STRIP2: variants seen among roughly 807,000 people sequenced by gnomAD.
STRIP2 encodes striatin interacting protein 2.
Under a neutral mutation model 107.1 loss-of-function variants are expected in STRIP2, and 84 were observed. The observed-to-expected ratio is 0.78, with a 90% CI of 0.66 to 0.94. The LOEUF (loss-of-function observed/expected upper bound fraction) is 0.94, where lower values mean the gene tolerates loss of function less well. STRIP2 is among the 40% of genes least tolerant of loss of function. The pLI is 0.00. For missense variants in STRIP2, 888 were observed against 1,034.2 expected (o/e 0.86, Z 1.94); for synonymous variants, 394 against 400.4 (o/e 0.98, Z 0.19).
At chr7:129,467,591 G>C in intron 17 of STRIP2, 141 bp downstream of exon 17, 1 of 554,878 alleles carries the variant, frequency 1.8e-6, no homozygotes, top group Non-Finnish European at 3.1e-6. Context: ...TAATTTCCTT[G>C]AAGTGTTAGC....
intron 18 of STRIP2, among the ~76,000 whole-genome samples, chr7:129,476,930 C>T (rs1225513500): frequency 1.3e-5 from 2 of 151,518 alleles, no homozygotes; most frequent in East Asian, 2.0e-4. Context: ...CCCGGCACCT[C>T]GGGAGACCGA....
intron 18 of STRIP2, among the ~76,000 whole-genome samples, chr7:129,475,671 G>C (rs1798904225): frequency 6.7e-6 from 1 of 149,434 alleles, no homozygotes; most frequent in Non-Finnish European, 1.5e-5. Context: ...ATAAACAAGT[G>C]AACAAAGGTC....
chr7:129,453,893 G>T (rs187005877), intron 5 of STRIP2, among the ~76,000 whole-genome samples: 1 of 152,172 alleles, frequency 6.6e-6, no homozygotes, highest in Non-Finnish European at 1.5e-5. Context: ...GTCCAGCACA[G>T]TTCTAAGCAT....
rs1234013933 is a variant in STRIP2, at chr7:129,458,973, A to G, written c.1340+196A>G. Among the ~76,000 whole-genome samples the G allele has an allele frequency of 6.6e-6, 1 of 152,170 alleles. No homozygotes were observed. The highest frequency in any genetic ancestry group is 1.5e-5 in the Non-Finnish European group (1 of 68,032). On this transcript the variant is annotated intron_variant, in intron 11 of 20. Transcript: ENST00000249344. This position sits in a 1 kb window ranked among gnomAD's most constrained non-coding sequence, Gnocchi z 4.6. ...CCTTGAGTTTCTTCCACTTTTCCTC[A>G]AAGAACTTTTGTGTTTTTAGCCAAC...
rs775620376 is a variant in STRIP2, at chr7:129,485,659, T to A, written c.2335T>A (p.Tyr779Asn). 167 of 1,613,968 alleles carry A rather than the reference T, an allele frequency of 1.0e-4. No individual in the cohort carries two copies. The highest frequency in any genetic ancestry group is 1.4e-4 in the Non-Finnish European group (165 of 1,180,028). The change falls in exon 21 of 21, where the codon TAT (tyrosine) becomes AAT (asparagine). Residue 779 changes from tyrosine (Y) to asparagine (N), a missense_variant. Tyr to Asn is a moderately radical substitution (Grantham distance 143). Coordinates refer to ENST00000249344, the MANE Select transcript of STRIP2 (RefSeq NM_020704.3). ...CATTGAGGCTTTTAACAGCCGTCGC[T>A]ATGACAGACCCCAGGACTCTGAGTT... ...ANIEAFNSRR[Y>N]DRPQDSEFSP...
chr7:129,486,480 T>C lies in STRIP2; in HGVS notation c.*651T>C, dbSNP rs1410787349. ...TATATTCAATGTGAAAATTATTTCC[T>C]TGTGTACTCTGTATAGGGCATGGAA... is the stretch of plus-strand genomic sequence containing the variant. On this transcript the variant is annotated 3_prime_UTR_variant, in exon 21 of 21. Coordinates refer to ENST00000249344, the MANE Select transcript of STRIP2 (RefSeq NM_020704.3). The C allele has an allele frequency of 6.5e-6, 1 of 153,566 alleles. No homozygotes were observed. The highest frequency in any genetic ancestry group is 2.4e-5 in the African/African-American group (1 of 41,442). 9.5% of individuals were successfully genotyped at this position (153,566 alleles called of 1,614,324 possible).
chr7:129,480,802 C>G lies in STRIP2; in HGVS notation c.1962C>G (p.Ser654Arg). ...TACTATAGGAAGCTGGAGACAACAG[C>G]CAGTTCTGCTGGAGGAACCTCTTTT... ...TTESLEAGDNSQFCWRNLFSC... is the reference protein window; with the variant it reads ...TTESLEAGDNRQFCWRNLFSC... Residue 654 changes from serine (S) to arginine (R), a missense_variant, in exon 19 of 21, where the codon AGC becomes AGG. By Grantham distance (110) the Ser-to-Arg change is moderately radical. Transcript: ENST00000249344. The G allele has an allele frequency of 6.2e-7, 1 of 1,613,652 alleles. No homozygotes were observed.
intron 7 of STRIP2, 52 bp downstream of exon 7, chr7:129,454,579 G>A (rs751950802): frequency 6.9e-6 from 8 of 1,163,102 alleles, no homozygotes; most frequent in Non-Finnish European, 1.0e-5. Context: ...TGGGAGAGGG[G>A]AAGCAGAGCA....
At chr7:129,480,691 GC>G (rs780694709) in intron 18 of STRIP2, 93 bp from the exon 19 acceptor site, 18 of 910,778 alleles carry the variant, frequency 2.0e-5, no homozygotes, top group Admixed American at 4.8e-5. Context: ...ATACAGGAAG[GC>G]CTCACCTAAA....
intron 18 of STRIP2, among the ~76,000 whole-genome samples, chr7:129,472,749 G>T (rs924635670): frequency 1.6e-5 from 2 of 128,556 alleles, no homozygotes; most frequent in Non-Finnish European, 3.2e-5. Flanking sequence ...CTGGCTATTT[G>T]AATATATAGA....
chr7:129,434,480 A>AC lies in STRIP2; in HGVS notation c.12dup (p.Ala5ArgfsTer50). The stretch of plus-strand genomic sequence containing the variant: ...GAGCCGCTGACCAGCAGCATGGAGG[A>AC]CCCCGCCGCGCCTGGGACCGGGGGC... On this transcript the variant is annotated frameshift_variant, in exon 1 of 21. Transcript: ENST00000249344. LOFTEE classifies it high-confidence loss of function. The AC allele has an allele frequency of 6.6e-7, 1 of 1,512,794 alleles. No individual in the cohort carries two copies. The highest frequency in any genetic ancestry group is 8.8e-7 in the Non-Finnish European group (1 of 1,137,158). The allele number at this position is 1,512,794 out of a possible 1,614,324, so 93.7% of individuals were successfully genotyped here. A position where few individuals can be genotyped will look rare whatever the true frequency, so the allele number is the denominator to read the frequency against.
At chr7:129,472,296 C>T (rs748059710) in intron 18 of STRIP2, among the ~76,000 whole-genome samples, 9 of 152,164 alleles carry the variant, frequency 5.9e-5, no homozygotes, top group Admixed American at 1.3e-4. Context: ...TCAGTTCCAA[C>T]CCCATTGGTT....
At chr7:129,447,772 G>A (rs1798076935) in intron 3 of STRIP2, among the ~76,000 whole-genome samples, 1 of 152,222 alleles carries the variant, frequency 6.6e-6, no homozygotes, top group Non-Finnish European at 1.5e-5. Context: ...ATTTGCTCGA[G>A]CAATGAAACC....
chr7:129,476,351 C>G (rs1291427015), intron 18 of STRIP2, among the ~76,000 whole-genome samples: 3 of 141,224 alleles, frequency 2.1e-5, no homozygotes, highest in Admixed American at 2.1e-4. Context: ...GGGGCGGCTG[C>G]CGGGCGGAGG....
intron 18 of STRIP2, among the ~76,000 whole-genome samples, chr7:129,471,228 T>C (rs1798782586): frequency 6.6e-6 from 1 of 152,174 alleles, no homozygotes; most frequent in African/African-American, 2.4e-5. Flanking sequence ...AAAACAGCTC[T>C]AGGCAAATCA....
At chr7:129,442,567 A>G (rs1192612020) in intron 2 of STRIP2, among the ~76,000 whole-genome samples, 2 of 152,218 alleles carry the variant, frequency 1.3e-5, no homozygotes, top group Non-Finnish European at 2.9e-5. Flanking sequence ...ATAAAAATTC[A>G]TAATCTAAAA....
At chr7:129,453,495 C>T (rs1584945825) in intron 5 of STRIP2, 148 bp downstream of exon 5, 2 of 995,582 alleles carry the variant, frequency 2.0e-6, no homozygotes, top group Admixed American at 2.8e-5. Context: ...GACAGTTCCC[C>T]TCCATCCAGC....
At chr7:129,479,944 A>G (rs1799075346) in intron 18 of STRIP2, among the ~76,000 whole-genome samples, 1 of 152,118 alleles carries the variant, frequency 6.6e-6, no homozygotes, top group Non-Finnish European at 1.5e-5. Context: ...AGGGAGGAGG[A>G]GGTAATTTTC....
intron 7 of STRIP2, among the ~76,000 whole-genome samples, chr7:129,454,846 A>AGTTCTGT (rs1283772295): frequency 1.3e-5 from 2 of 152,260 alleles, no homozygotes; most frequent in Admixed American, 6.5e-5. Context: ...TTGAAAACTG[A>AGTTCTGT]GTTCTGTTCA....
Sources: gnomAD v4.1 joint callset for allele counts (sites outside exome capture counted in the v4.1 genomes callset) on GRCh38, gnomAD v4.1.1 for gene constraint, Gnocchi (gnomAD v3.1) non-coding constraint, MANE v1.5 for transcripts, NCBI Gene and HGNC (gene_info 2026-07-23, HGNC 2026-07-21) for gene names.